The following CDK16 variants were observed in gnomAD, a reference collection of about 807,000 sequenced individuals.
CDK16 encodes the protein cyclin-dependent kinase 16.
A neutral mutation model predicts 41.6 loss-of-function variants in CDK16; 2 were observed. That is an observed-to-expected ratio of 0.05 (90% confidence interval 0.02 to 0.15). CDK16 has a LOEUF of 0.15. Among genes scored for constraint, CDK16 ranks in the 10% least tolerant of loss-of-function variants. CDK16 has a pLI of 1.00. For missense variants in CDK16, 228 were observed against 428.9 expected, an observed-to-expected ratio of 0.53 and a Z score of 4.14; for synonymous variants, 169 against 169.7, an observed-to-expected ratio of 1.00 and a Z score of 0.03.
intron 1 of CDK16, among the ~76,000 whole-genome samples, chrX:47,219,711 G>C (rs1420004794): frequency 9.0e-6 from 1 of 110,643 alleles, no homozygotes; most frequent in Non-Finnish European, 1.9e-5. Flanking sequence ...GTGTCTGTCC[G>C]TGGGGCCTGC....
intron 1 of CDK16, 190 bp from the exon 2 acceptor site, chrX:47,223,362 A>G: frequency 9.1e-7 from 1 of 1,100,718 alleles, no homozygotes. Flanking sequence ...GTGGGTGGGC[A>G]GGTACTGACA....
intron 6 of CDK16, 70 bp from the exon 7 acceptor site, chrX:47,225,702 C>G (rs1247033031): frequency 1.2e-5 from 10 of 810,928 alleles, no homozygotes; most frequent in Non-Finnish European, 1.9e-5. Context: ...CTTTCTAGTC[C>G]TTGTCCTCAC....
chrX:47,228,797 G>A lies in CDK16; in HGVS notation c.*29G>A, dbSNP rs370213302. 454 of 1,191,581 alleles carry A rather than the reference G, an allele frequency of 3.8e-4. No individual in the cohort carries two copies. The highest frequency in any genetic ancestry group is 4.6e-4 in the Non-Finnish European group (401 of 880,929). Reference sequence around the variant, plus strand: ...ACAGACCGAGGCCCCAGCAGGCAGCGGCTGGAGGGATGCCACACCCCTCAC... The same window carrying A: ...ACAGACCGAGGCCCCAGCAGGCAGCAGCTGGAGGGATGCCACACCCCTCAC... On this transcript the variant is annotated 3_prime_UTR_variant, in exon 16 of 16. Coordinates refer to ENST00000357227, the MANE Select transcript of CDK16 (RefSeq NM_006201.5).
At chrX:47,228,687 C>T (rs2055282137) in intron 15 of CDK16, 43 bp downstream of exon 15, 8 of 1,206,323 alleles carry the variant, frequency 6.6e-6, no homozygotes, top group Non-Finnish European at 9.0e-6. Flanking sequence ...CACCCACCTA[C>T]CTGCTTACCC....
intron 14 of CDK16, chrX:47,227,771 A>C (rs1308670800): frequency 2.1e-5 from 5 of 242,448 alleles, no homozygotes; most frequent in Non-Finnish European, 3.6e-5. Flanking sequence ...CTATACAATG[A>C]ATTTTCATAA....
intron 1 of CDK16, among the ~76,000 whole-genome samples, chrX:47,221,400 A>C (rs5953013): frequency 0.082 from 9,174 of 111,264 alleles, 934 homozygotes; most frequent in African/African-American, 0.28. Flanking sequence ...CATGTCTGAG[A>C]CCCCCATCCC....
At chrX:47,220,006 T>C (rs1937268830) in intron 1 of CDK16, among the ~76,000 whole-genome samples, 1 of 110,187 alleles carries the variant, frequency 9.1e-6, no homozygotes, top group Admixed American at 9.6e-5. Flanking sequence ...GTCTTAGCAC[T>C]GTCAGAGGCT....
chrX:47,224,254 C>A, intron 2 of CDK16, 131 bp from the exon 3 acceptor site: 1 of 684,970 alleles, frequency 1.5e-6, no homozygotes, highest in East Asian at 3.4e-5. Flanking sequence ...ACCCTCTCCC[C>A]GAGGGACTCC....
chrX:47,223,414 C>T, intron 1 of CDK16, 138 bp from the exon 2 acceptor site: 3 of 996,051 alleles, frequency 3.0e-6, no homozygotes, highest in Non-Finnish European at 4.1e-6. Flanking sequence ...TCCTGAGTGG[C>T]TCTGGGGTCC....
At chrX:47,223,923 C>CT (rs969516113) in intron 2 of CDK16, among the ~76,000 whole-genome samples, 164 bp downstream of exon 2, 1 of 109,788 alleles carries the variant, frequency 9.1e-6, no homozygotes, top group African/African-American at 3.3e-5. Flanking sequence ...CACCGTCTGT[C>CT]TATCTGTCCA....
chrX:47,223,767 C>T lies in CDK16; in HGVS notation c.202+8C>T, dbSNP rs771912390. On this transcript the variant is annotated splice_region_variant and intron_variant, in intron 2 of 15. Coordinates refer to ENST00000357227, the MANE Select transcript of CDK16 (RefSeq NM_006201.5). ...CACTCAGCTCTGCACCAGGTGGGTC[C>T]ACTGGCTATCCCCTCTCCCATATGG... is the stretch of plus-strand genomic sequence containing the variant. 1 of 1,193,159 alleles carries T rather than the reference C, an allele frequency of 8.4e-7. No homozygotes were observed. The highest frequency in any genetic ancestry group is 1.1e-6 in the Non-Finnish European group (1 of 883,994).
Position 47,225,873 on chromosome X carries a change from T to C in CDK16, c.729+7T>C, listed in dbSNP as rs748173084. The C allele has an allele frequency of 1.7e-6, 2 of 1,195,992 alleles. No individual in the cohort carries two copies. Among genetic ancestry groups the C allele is most frequent in the Non-Finnish European group, 2.3e-6 (2 of 882,638 alleles). On this transcript the variant is annotated splice_region_variant and intron_variant, in intron 7 of 15. Coordinates refer to ENST00000357227, the MANE Select transcript of CDK16 (RefSeq NM_006201.5). ...CCTTGTCTTTGAGTACCTGGTAAGG[T>C]TGAGTGGCAGTAGGTCCCAGGGGGA...
intron 1 of CDK16, chrX:47,222,135 C>T (rs1937360023): frequency 8.9e-6 from 1 of 112,046 alleles, no homozygotes; most frequent in African/African-American, 3.3e-5. Flanking sequence ...CCTGGGCTAC[C>T]TTGTTTAGGG....
chrX:47,220,215 C>T (rs984314263), intron 1 of CDK16, among the ~76,000 whole-genome samples: 2 of 108,669 alleles, frequency 1.8e-5, no homozygotes, highest in African/African-American at 3.4e-5. Flanking sequence ...TGCTAATAAG[C>T]ATCAGAACCT....
At chrX:47,228,546 C>T in intron 14 of CDK16, 21 bp from the exon 15 acceptor site, 1 of 1,192,009 alleles carries the variant, frequency 8.4e-7, no homozygotes, top group South Asian at 1.8e-5. Context: ...TCCCCCACTT[C>T]TATGTCTCCC....
chrX:47,221,101 C>G (rs1306713763), intron 1 of CDK16, among the ~76,000 whole-genome samples: 1 of 110,890 alleles, frequency 9.0e-6, no homozygotes, highest in Non-Finnish European at 1.9e-5. Flanking sequence ...GTAGTGAGGC[C>G]TCCTTGAGGG....
intron 14 of CDK16, 200 bp downstream of exon 14, chrX:47,227,669 AACAT>A: frequency 2.3e-6 from 1 of 431,624 alleles, no homozygotes; most frequent in Non-Finnish European, 4.1e-6. Context: ...AAAAATTTAA[AACAT>A]ACATAAAAAT....
rs1197198290 is a variant in CDK16 at position 47,227,565 on chromosome X, A to G, written c.1375+96A>G. 4 of 568,266 alleles carry G rather than the reference A, an allele frequency of 7.0e-6. No individual in the cohort carries two copies. In the Admixed American group the frequency reaches 1.1e-4, roughly 16 times the overall value. 46.8% of individuals were successfully genotyped at this position (568,266 alleles called of 1,213,427 possible). On this transcript the variant is annotated intron_variant, in intron 14 of 15. Transcript: ENST00000357227. Reference sequence around the variant, plus strand: ...GGTTGTGTAGGATTCTGGCTGTGCCACCTCTACGTGGGGGGACATCTTGTT... The same window carrying G: ...GGTTGTGTAGGATTCTGGCTGTGCCGCCTCTACGTGGGGGGACATCTTGTT...
intron 6 of CDK16, 123 bp downstream of exon 6, chrX:47,225,225 C>G (rs986325963): frequency 1.1e-5 from 5 of 468,519 alleles, no homozygotes; most frequent in Non-Finnish European, 1.9e-5. Flanking sequence ...ATGGGAATGC[C>G]TGTCACCCAC....
Sources: allele counts gnomAD v4.1 joint callset (sites outside exome capture counted in the v4.1 genomes callset), GRCh38; gene constraint gnomAD v4.1.1; transcripts MANE v1.5; gene names NCBI Gene and HGNC (gene_info 2026-07-23, HGNC 2026-07-21).